Variants in PAPPA2 observed in about 807,000 individuals in gnomAD.
The protein encoded by PAPPA2 is pappalysin-2.
PAPPA2 carries 86 observed loss-of-function variants against 176.4 expected under a neutral mutation model. The observed-to-expected ratio is 0.49, with a 90% CI of 0.41 to 0.58. The LOEUF is 0.58. PAPPA2 is among the 20% of genes least tolerant of loss of function. The pLI, the probability that PAPPA2 is intolerant of heterozygous loss-of-function variation, is 0.00. For synonymous variants in PAPPA2, 809 were observed against 852.2 expected, an observed-to-expected ratio of 0.95 and a Z score of 0.88; for missense variants, 2,073 against 2,256.9, an observed-to-expected ratio of 0.92 and a Z score of 1.65.
intron 3 of PAPPA2, among the ~76,000 whole-genome samples, chr1:176,666,186 G>A (rs1297575551): frequency 6.6e-6 from 1 of 152,148 alleles, no homozygotes; most frequent in Non-Finnish European, 1.5e-5. Context: ...AACCAGGAAA[G>A]AGCACTGCAA....
chr1:176,589,791 T>A (rs1019897511), intron 2 of PAPPA2, among the ~76,000 whole-genome samples: 9 of 152,222 alleles, frequency 5.9e-5, no homozygotes, highest in African/African-American at 1.9e-4. Flanking sequence ...TTGCACAAAC[T>A]CAAGAGTTTC....
At chr1:176,694,761 A>G (rs1203986581) in intron 6 of PAPPA2, among the ~76,000 whole-genome samples, 1 of 152,230 alleles carries the variant, frequency 6.6e-6, no homozygotes, top group Admixed American at 6.5e-5. Context: ...CACGTCATGG[A>G]TATCCATAAA....
At chr1:176,639,719 CT>C (rs548902178) in intron 3 of PAPPA2, among the ~76,000 whole-genome samples, 67 of 144,338 alleles carry the variant, frequency 4.6e-4, no homozygotes, top group Middle Eastern at 6.9e-3. Flanking sequence ...CTTTTTCTTT[CT>C]TTTTTTTTTT....
At chr1:176,559,189 C>T (rs569704216) in intron 2 of PAPPA2, among the ~76,000 whole-genome samples, 14 of 152,268 alleles carry the variant, frequency 9.2e-5, no homozygotes, top group East Asian at 1.9e-4. Context: ...CTCTTTTAAC[C>T]GTAAGCATGT....
At chr1:176,636,082 G>T (rs2102717484) in intron 3 of PAPPA2, among the ~76,000 whole-genome samples, 1 of 152,094 alleles carries the variant, frequency 6.6e-6, no homozygotes, top group South Asian at 2.1e-4. Flanking sequence ...CTCCCTCTGT[G>T]GCATCTTCAT....
intron 1 of PAPPA2, among the ~76,000 whole-genome samples, chr1:176,480,311 A>T (rs1652332684): frequency 6.6e-6 from 1 of 152,178 alleles, no homozygotes; most frequent in African/African-American, 2.4e-5. Flanking sequence ...TCTCAGTAAC[A>T]CAGAGCAGTC....
At chr1:176,809,114 G>A (rs1476717444) in intron 21 of PAPPA2, among the ~76,000 whole-genome samples, 1 of 152,074 alleles carries the variant, frequency 6.6e-6, no homozygotes, top group Non-Finnish European at 1.5e-5. Context: ...CTCTGATATG[G>A]TTACACATTT....
At chr1:176,628,844 C>T (rs1490973512) in intron 3 of PAPPA2, among the ~76,000 whole-genome samples, 5 of 152,180 alleles carry the variant, frequency 3.3e-5, no homozygotes, top group African/African-American at 9.6e-5. Flanking sequence ...GGATAAAGTT[C>T]GATCTTTCTT....
At chr1:176,711,651 A>G (rs900402918) in intron 11 of PAPPA2, among the ~76,000 whole-genome samples, 184 bp from the exon 12 acceptor site, 5 of 152,162 alleles carry the variant, frequency 3.3e-5, no homozygotes, top group African/African-American at 9.7e-5. Context: ...CTTGTAAGTT[A>G]TATCTTGATG....
intron 3 of PAPPA2, among the ~76,000 whole-genome samples, chr1:176,614,343 C>G (rs2102682008): frequency 6.6e-6 from 1 of 152,312 alleles, no homozygotes; most frequent in African/African-American, 2.4e-5. Context: ...GATATTGAAG[C>G]TAACTTAATT....
chr1:176,569,080 A>G (rs540844867), intron 2 of PAPPA2, among the ~76,000 whole-genome samples: 3 of 152,198 alleles, frequency 2.0e-5, no homozygotes, highest in Admixed American at 2.0e-4. Flanking sequence ...GCACATATAT[A>G]CAAGCACACT....
chr1:176,668,825 A>G (rs1023805010), intron 3 of PAPPA2, among the ~76,000 whole-genome samples: 1 of 152,192 alleles, frequency 6.6e-6, no homozygotes, highest in Non-Finnish European at 1.5e-5. Flanking sequence ...TGGGAAGTAC[A>G]GGAGTCTGAG....
At chr1:176,839,192 T>A (rs560012188) in intron 21 of PAPPA2, among the ~76,000 whole-genome samples, 15 of 152,188 alleles carry the variant, frequency 9.9e-5, no homozygotes, top group Non-Finnish European at 2.1e-4. Context: ...TCTCTCAGGA[T>A]GAGGAGCAGC....
chr1:176,698,241 C>T (rs1218196612), intron 7 of PAPPA2, among the ~76,000 whole-genome samples: 2 of 152,190 alleles, frequency 1.3e-5, no homozygotes, highest in Non-Finnish European at 2.9e-5. Context: ...TAGATCTACA[C>T]TGCCCTAGTA....
chr1:176,584,220 A>G (rs1653152384), intron 2 of PAPPA2, among the ~76,000 whole-genome samples: 1 of 152,044 alleles, frequency 6.6e-6, no homozygotes, highest in African/African-American at 2.4e-5. Flanking sequence ...TTTTTAGTTG[A>G]TATTACATCT....
In PAPPA2 at chr1:176,798,126, A is replaced by G. The variant is rs147668464; in HGVS notation, c.5131-1935A>G. On this transcript the variant is annotated intron_variant, in intron 20 of 22. Transcript: ENST00000367662. ...TGTCAGTATAAATTAATTAGTCTCA[A>G]AATTGAATTATGCATCATTAAAAAT... is the stretch of plus-strand genomic sequence containing the variant. Among the ~76,000 whole-genome samples, 1,013 of 152,308 alleles carry G rather than the reference A, an allele frequency of 6.7e-3. 5 individuals carry two copies. Among genetic ancestry groups the G allele is most frequent in the African/African-American group, 0.023 (972 of 41,558 alleles).
At chr1:176,539,109 C>T (rs1650232449) in intron 1 of PAPPA2, among the ~76,000 whole-genome samples, 1 of 152,136 alleles carries the variant, frequency 6.6e-6, no homozygotes, top group Admixed American at 6.6e-5. Flanking sequence ...TGGATAATCC[C>T]CTCACCAAAC....
intron 17 of PAPPA2, among the ~76,000 whole-genome samples, chr1:176,786,495 G>A (rs924394950): frequency 2.0e-5 from 3 of 152,148 alleles, no homozygotes; most frequent in South Asian, 2.1e-4. Flanking sequence ...CAAGCCGTAC[G>A]CTAAGATTTG....
At chr1:176,750,537 G>A (rs964606038) in intron 14 of PAPPA2, among the ~76,000 whole-genome samples, 4 of 151,908 alleles carry the variant, frequency 2.6e-5, no homozygotes, top group South Asian at 4.2e-4. Flanking sequence ...CCCGGGATGC[G>A]GAGGTTGCAG....
Sources: gnomAD v4.1 joint callset for allele counts (sites outside exome capture counted in the v4.1 genomes callset) on GRCh38, gnomAD v4.1.1 for gene constraint, MANE v1.5 for transcripts, NCBI Gene and HGNC (gene_info 2026-07-23, HGNC 2026-07-21) for gene names.